DOCK1: variants seen among roughly 807,000 people sequenced by gnomAD.
DOCK1 encodes the protein dedicator of cytokinesis 1.
In DOCK1, 138 loss-of-function variants were observed where a neutral mutation model predicts 262.7. The observed-to-expected ratio is 0.53, with a 90% confidence interval of 0.46 to 0.61. The LOEUF is 0.61. Ranked by LOEUF, DOCK1 falls within the 20% of genes least tolerant of loss-of-function variation. The pLI is 0.00. For missense variants in DOCK1, 1,908 were observed against 2,370.7 expected, an observed-to-expected ratio of 0.80 and a Z score of 4.05; for synonymous variants, 866 against 867.4, an observed-to-expected ratio of 1.00 and a Z score of 0.03.
rs572985924 is a variant in DOCK1 at position 126,970,522 on chromosome 10, G to A, written c.47-180G>A. Among the ~76,000 whole-genome samples, 4 of 152,192 alleles carry A rather than the reference G, an allele frequency of 2.6e-5. No individual in the cohort carries two copies. In the East Asian group the frequency reaches 7.7e-4, roughly 29 times the overall value. ...ATGAATTTCTCCTCCTTAAACTATT[G>A]ACCCTTTATATTTGTCTGAAAGAAA... On this transcript the variant is annotated intron_variant, in intron 1 of 51. Coordinates refer to ENST00000623213, the MANE Select transcript of DOCK1 (RefSeq NM_001290223.2).
At chr10:127,445,353 C>T (rs953305160) in intron 50 of DOCK1, among the ~76,000 whole-genome samples, 1 of 152,158 alleles carries the variant, frequency 6.6e-6, no homozygotes, top group Non-Finnish European at 1.5e-5. Context: ...CCTGATTTTC[C>T]TCTTGCTGAA....
At chr10:127,053,223 TC>T (rs1212815530) in intron 22 of DOCK1, among the ~76,000 whole-genome samples, 1 of 152,174 alleles carries the variant, frequency 6.6e-6, no homozygotes, top group Non-Finnish European at 1.5e-5. Flanking sequence ...ACGCCTGTAA[TC>T]CCAGCTACTT....
At chr10:127,255,646 G>C (rs905816397) in intron 28 of DOCK1, among the ~76,000 whole-genome samples, 1 of 152,112 alleles carries the variant, frequency 6.6e-6, no homozygotes, top group Admixed American at 6.5e-5. Context: ...GATCAGCAAA[G>C]TACCAAAATT....
At chr10:127,267,866 G>A (rs551083415) in intron 29 of DOCK1, among the ~76,000 whole-genome samples, 9 of 152,324 alleles carry the variant, frequency 5.9e-5, no homozygotes, top group African/African-American at 1.9e-4. Context: ...GTGCAGTATA[G>A]GACCCTCTGG....
At chr10:127,132,727 C>T (rs545811044) in intron 27 of DOCK1, among the ~76,000 whole-genome samples, 11 of 152,100 alleles carry the variant, frequency 7.2e-5, no homozygotes, top group Non-Finnish European at 1.0e-4. Flanking sequence ...GTAACATTTC[C>T]GTCTCCTGTG....
At chr10:127,233,554 TA>T (rs1326375961) in intron 27 of DOCK1, among the ~76,000 whole-genome samples, 3 of 152,224 alleles carry the variant, frequency 2.0e-5, no homozygotes, top group African/African-American at 7.2e-5. Context: ...CAGATGGTCT[TA>T]TTAAGATACT....
intron 1 of DOCK1, among the ~76,000 whole-genome samples, chr10:126,934,954 C>CA (rs1377699165): frequency 1.3e-5 from 2 of 151,974 alleles, no homozygotes; most frequent in Admixed American, 6.6e-5. Context: ...ATTAAAAATA[C>CA]AAAAAATTAG....
intron 38 of DOCK1, among the ~76,000 whole-genome samples, chr10:127,392,972 A>G (rs1282845928): frequency 6.6e-6 from 1 of 152,168 alleles, no homozygotes; most frequent in African/African-American, 2.4e-5. Flanking sequence ...TTCCGTCCAA[A>G]TGACTACAGC....
chr10:127,311,069 T>C (rs1041182906), intron 29 of DOCK1, among the ~76,000 whole-genome samples: 7 of 152,218 alleles, frequency 4.6e-5, no homozygotes, highest in Non-Finnish European at 7.3e-5. Flanking sequence ...AAAGGCTGTC[T>C]GCCCCAGTGC....
intron 47 of DOCK1, among the ~76,000 whole-genome samples, chr10:127,429,179 C>T (rs1049186351): frequency 2.6e-5 from 4 of 152,082 alleles, no homozygotes; most frequent in Admixed American, 2.0e-4. Context: ...CCTCCCCACC[C>T]TTCTCTGTAG....
intron 12 of DOCK1, among the ~76,000 whole-genome samples, chr10:127,015,504 C>T (rs1014559222): frequency 2.6e-5 from 4 of 152,214 alleles, no homozygotes; most frequent in African/African-American, 7.2e-5. Context: ...CTCTTCTTTC[C>T]TTCCCCACTC....
chr10:127,336,766 C>G (rs911722019), intron 29 of DOCK1, among the ~76,000 whole-genome samples: 9 of 152,132 alleles, frequency 5.9e-5, no homozygotes, highest in Non-Finnish European at 8.8e-5. Flanking sequence ...GTCTCAATCT[C>G]CTGACCTCGT....
At chr10:127,043,282 G>A (rs920714354) in intron 21 of DOCK1, 118 bp downstream of exon 21, 19 of 772,468 alleles carry the variant, frequency 2.5e-5, no homozygotes, top group Non-Finnish European at 3.4e-5. Flanking sequence ...AAAACTCTGA[G>A]TTTACTGGAA....
In DOCK1 at chr10:127,042,696, G is replaced by A. The variant is rs1025576283; in HGVS notation, c.2082G>A (p.Thr694=). The A allele has an allele frequency of 4.3e-6, 7 of 1,613,924 alleles. No individual in the cohort carries two copies. Among genetic ancestry groups the A allele is most frequent in the South Asian group, 2.2e-5 (2 of 91,078 alleles). ...MENSESETFD[T]LVFDALVFII... ...ACTCAGAGAGTGAGACTTTTGACAC[G>A]TTAGTCTTTGATGCTCTGGTAAGAG... The change falls in exon 20 of 52, where the codon ACG becomes ACA. Residue 694 remains threonine, a synonymous_variant. Transcript: ENST00000623213.
intron 11 of DOCK1, among the ~76,000 whole-genome samples, chr10:127,010,962 A>T (rs537014629): frequency 2.0e-5 from 3 of 152,300 alleles, no homozygotes; most frequent in Admixed American, 2.0e-4. Context: ...AAACAAACCC[A>T]ACCTGAGGGA....
At chr10:127,412,801 G>A (rs1326696601) in intron 43 of DOCK1, among the ~76,000 whole-genome samples, 1 of 152,196 alleles carries the variant, frequency 6.6e-6, no homozygotes, top group Non-Finnish European at 1.5e-5. Flanking sequence ...CCAGCCCCGA[G>A]GCCAGATTCC....
At chr10:127,222,144 A>T (rs1230620221) in intron 27 of DOCK1, among the ~76,000 whole-genome samples, 1 of 152,186 alleles carries the variant, frequency 6.6e-6, no homozygotes, top group Non-Finnish European at 1.5e-5. Context: ...TTAAAGGCTC[A>T]CATGTGGGGA....
chr10:126,955,535 C>T (rs2036661676), intron 1 of DOCK1, among the ~76,000 whole-genome samples: 2 of 152,158 alleles, frequency 1.3e-5, no homozygotes, highest in Admixed American at 6.5e-5. Context: ...GAGCCCCGCC[C>T]ATGTTCGGGG....
intron 38 of DOCK1, among the ~76,000 whole-genome samples, chr10:127,398,354 G>C (rs540598554): frequency 1.3e-5 from 2 of 152,288 alleles, no homozygotes; most frequent in East Asian, 3.9e-4. Context: ...ACCAAGACTA[G>C]CTGGGCCCTT....
Sources: allele counts gnomAD v4.1 joint callset (sites outside exome capture counted in the v4.1 genomes callset), GRCh38; gene constraint gnomAD v4.1.1; transcripts MANE v1.5; gene names NCBI Gene and HGNC (gene_info 2026-07-23, HGNC 2026-07-21).